Variants in ARHGAP36 observed in about 807,000 individuals in gnomAD.
ARHGAP36 encodes Rho GTPase activating protein 36.
Under a neutral mutation model 32.9 loss-of-function variants are expected in ARHGAP36, and 7 were observed. That is an observed-to-expected ratio of 0.21 (90% CI 0.12 to 0.40). The LOEUF (loss-of-function observed/expected upper bound fraction) is 0.40. Among genes scored for constraint, ARHGAP36 ranks in the 10% least tolerant of loss-of-function variants. The probability of loss-of-function intolerance (pLI) is 1.00; values close to 1 mark genes in which losing one functional copy is unlikely to be tolerated. For missense variants in ARHGAP36, 383 were observed against 442.2 expected, an observed-to-expected ratio of 0.87 and a Z score of 1.20; for synonymous variants, 165 against 168.3, an observed-to-expected ratio of 0.98 and a Z score of 0.15.
intron 1 of ARHGAP36, among the ~76,000 whole-genome samples, chrX:131,075,113 C>T (rs894690327): frequency 8.9e-6 from 1 of 112,315 alleles, no homozygotes; most frequent in Non-Finnish European, 1.9e-5. Context: ...GCTAAGTCTT[C>T]CTCTCAAGTT....
At chrX:131,063,921 A>G (rs974219697) in intron 1 of ARHGAP36, among the ~76,000 whole-genome samples, 3 of 112,008 alleles carry the variant, frequency 2.7e-5, no homozygotes, top group African/African-American at 9.8e-5. Context: ...ACATATGAAT[A>G]AAAGCTAATC....
At chrX:131,086,179 C>T (rs1036734239) in intron 9 of ARHGAP36, 90 bp downstream of exon 9, 163 of 1,122,173 alleles carry the variant, frequency 1.5e-4, no homozygotes, top group South Asian at 9.0e-4. Flanking sequence ...TTGAGGGTAG[C>T]CAAAACAGGC....
Position 131,081,907 on chromosome X carries a change from A to G in ARHGAP36, c.242A>G (p.Lys81Arg). Residue 81 changes from lysine (K) to arginine (R), a missense_variant, in exon 2 of 12, where the codon AAA becomes AGA. Around this residue, in one of 2 missense-constraint regions of ARHGAP36, gnomAD observed 156 missense variants for 131.0 expected, o/e 1.19. Coordinates refer to ENST00000276211, the MANE Select transcript of ARHGAP36 (RefSeq NM_144967.4). ...LVARHFLSEF[K>R]PDRALPIDRP... ...GCCAGACATTTCCTCTCCGAATTCA[A>G]ACCTGACAGAGGTAAGCTGTACCCC... is the stretch of plus-strand genomic sequence containing the variant. 2 of 1,211,416 alleles carry G rather than the reference A, an allele frequency of 1.7e-6. No homozygotes were observed. Among genetic ancestry groups the G allele is most frequent in the Non-Finnish European group, 2.2e-6 (2 of 895,440 alleles).
intron 1 of ARHGAP36, among the ~76,000 whole-genome samples, chrX:131,060,411 C>T (rs5977407): frequency 0.081 from 9,006 of 111,292 alleles, 541 homozygotes; most frequent in African/African-American, 0.21. Context: ...TGCAAAGCCA[C>T]GAACACACAC....
Position 131,081,701 on chromosome X carries a change from G to A in ARHGAP36, c.36G>A (p.Arg12=). The change falls in exon 2 of 12, where the codon AGG becomes AGA. Residue 12 remains arginine, a synonymous_variant. Coordinates refer to ENST00000276211, the MANE Select transcript of ARHGAP36 (RefSeq NM_144967.4). The part of the protein sequence containing the change: ...GGCIPFLKAA[R]ALCPRIMPPL... ...GCATTCCTTTTCTGAAGGCAGCAAG[G>A]GCACTGTGCCCCAGAATCATGCCCC... 8.3e-6 allele frequency: 10 copies of A among 1,211,083 alleles called. No individual in the cohort carries two copies. The highest frequency in any genetic ancestry group is 1.1e-5 in the Non-Finnish European group (10 of 895,369).
At position 131,084,355 on chromosome X, in the gene ARHGAP36, G is replaced by A; in HGVS notation, c.696G>A (p.Ala232=). The part of the protein sequence containing the change: ...SKRKMSLNPI[A]KQIPQVVEAC... ...GGAAGATGAGTCTCAATCCGATTGC[G>A]AAACAAATCCCCCAGGTTGTTGAGG... The change falls in exon 5 of 12, where the codon GCG becomes GCA. Residue 232 remains alanine, a synonymous_variant. Transcript: ENST00000276211. The A allele has an allele frequency of 8.3e-7, 1 of 1,210,756 alleles. No homozygotes were observed. The highest frequency in any genetic ancestry group is 1.1e-6 in the Non-Finnish European group (1 of 895,224).
At chrX:131,086,135 G>T in intron 9 of ARHGAP36, 46 bp downstream of exon 9, 1 of 1,187,029 alleles carries the variant, frequency 8.4e-7, no homozygotes, top group Non-Finnish European at 1.1e-6. Flanking sequence ...TCCATCTCCT[G>T]TTCACAAGGC....
At chrX:131,070,216 A>G (rs1236982819) in intron 1 of ARHGAP36, among the ~76,000 whole-genome samples, 2 of 112,582 alleles carry the variant, frequency 1.8e-5, no homozygotes, top group Non-Finnish European at 3.8e-5. Context: ...ACTGCGGCTG[A>G]GGCTTCTGCA....
At chrX:131,077,666 AT>A (rs1274321782) in intron 1 of ARHGAP36, among the ~76,000 whole-genome samples, 2 of 107,710 alleles carry the variant, frequency 1.9e-5, no homozygotes, top group Non-Finnish European at 3.8e-5. Flanking sequence ...CCCTTTTTGT[AT>A]TGATGGAAAC....
intron 1 of ARHGAP36, among the ~76,000 whole-genome samples, chrX:131,061,935 T>C (rs2148634922): frequency 8.9e-6 from 1 of 112,580 alleles, no homozygotes; most frequent in African/African-American, 3.2e-5. Context: ...CTGACATTTA[T>C]CAGGCTTAAA....
chrX:131,080,499 G>A (rs2079790293), intron 1 of ARHGAP36, among the ~76,000 whole-genome samples: 1 of 112,177 alleles, frequency 8.9e-6, no homozygotes, highest in African/African-American at 3.2e-5. Flanking sequence ...TTTAATGAAT[G>A]AATGAATGAG....
intron 1 of ARHGAP36, among the ~76,000 whole-genome samples, chrX:131,071,355 C>A (rs1248964842): frequency 3.6e-5 from 4 of 110,863 alleles, no homozygotes; most frequent in Non-Finnish European, 7.6e-5. Context: ...GAGAGGTCCT[C>A]TCCTCTCCTC....
At chrX:131,087,977 A>G (rs5977416) in intron 11 of ARHGAP36, among the ~76,000 whole-genome samples, 26,928 of 111,611 alleles carry the variant, frequency 0.24, 3,772 homozygotes, top group African/African-American at 0.52. Context: ...CATTCTCAAT[A>G]CAATTCCAGA....
At chrX:131,085,780 C>T in intron 8 of ARHGAP36, 44 bp downstream of exon 8, 3 of 1,196,154 alleles carry the variant, frequency 2.5e-6, no homozygotes, top group Non-Finnish European at 3.4e-6. Flanking sequence ...TAGTAGGGGA[C>T]ATATGTGGGA....
Position 131,089,059 on chromosome X carries a change from G to A in ARHGAP36, c.*274G>A. 1 of 279,179 alleles carries A rather than the reference G, an allele frequency of 3.6e-6. No individual in the cohort carries two copies. 23.0% of individuals were successfully genotyped at this position (279,179 alleles called of 1,213,427 possible). A position where few individuals can be genotyped will look rare whatever the true frequency, so the allele number is the denominator to read the frequency against. On this transcript the variant is annotated 3_prime_UTR_variant, in exon 12 of 12. Coordinates refer to ENST00000276211, the MANE Select transcript of ARHGAP36 (RefSeq NM_144967.4). ...CCTTTCTCTTTTACCCCTGATCTTG[G>A]CTTTCTCTCTCTCTCTGCAGACTTT...
At chrX:131,085,855 T>C in intron 8 of ARHGAP36, 58 bp from the exon 9 acceptor site, 1 of 1,185,189 alleles carries the variant, frequency 8.4e-7, no homozygotes, top group Non-Finnish European at 1.1e-6. Context: ...GACATATTCA[T>C]TTGTACAACT....
chrX:131,073,274 T>A (rs772088474), intron 1 of ARHGAP36, among the ~76,000 whole-genome samples: 28 of 113,245 alleles, frequency 2.5e-4, no homozygotes, highest in African/African-American at 8.0e-4. Flanking sequence ...TTACAGGTTC[T>A]GCGCTGCCTG....
chrX:131,075,623 ATGTGTG>A (rs5903808), intron 1 of ARHGAP36, among the ~76,000 whole-genome samples: 11 of 98,141 alleles, frequency 1.1e-4, no homozygotes, highest in South Asian at 5.1e-4. Flanking sequence ...GTGTATATAT[ATGTGTG>A]TGTGTGTGTG....
chrX:131,086,195 C>A, intron 9 of ARHGAP36, 106 bp downstream of exon 9: 1 of 1,112,344 alleles, frequency 9.0e-7, no homozygotes, highest in Non-Finnish European at 1.2e-6. Context: ...CAGGCAGCCA[C>A]AAGATCGTCC....
Sources: allele counts gnomAD v4.1 joint callset (sites outside exome capture counted in the v4.1 genomes callset), GRCh38; gene constraint gnomAD v4.1.1; regional missense constraint gnomAD v4.1.1; transcripts MANE v1.5; gene names NCBI Gene and HGNC (gene_info 2026-07-23, HGNC 2026-07-21).